Variants in ITFG2 observed in about 807,000 individuals in gnomAD.
ITFG2 encodes the protein KICSTOR complex protein ITFG2.
ITFG2 carries 36 observed loss-of-function variants against 54.4 expected under a neutral mutation model. That is an observed-to-expected ratio of 0.66 (90% CI 0.51 to 0.87). ITFG2 has a LOEUF of 0.87. ITFG2 is among the 40% of genes least tolerant of loss of function. The pLI is 0.00. For missense variants in ITFG2, 524 were observed against 576.7 expected (o/e 0.91, Z 0.94); for synonymous variants, 211 against 225.4 (o/e 0.94, Z 0.57).
chr12:2,821,876 C>T, intron 9 of ITFG2, 84 bp downstream of exon 9: 1 of 958,216 alleles, frequency 1.0e-6, no homozygotes, highest in Non-Finnish European at 1.6e-6. Flanking sequence ...GCTATTCTCA[C>T]ATCCCAGGGA....
At chr12:2,852,611 C>T (rs909046619) in intron 2 of ITFG2, among the ~76,000 whole-genome samples, 4 of 152,120 alleles carry the variant, frequency 2.6e-5, no homozygotes, top group African/African-American at 9.7e-5. Flanking sequence ...GCGATCCTCC[C>T]ACTTCGGCCT....
At chr12:2,827,102 C>G (rs1565424175), downstream of ITFG2, 21 of 1,559,598 alleles carry the variant, frequency 1.3e-5, no homozygotes, top group Non-Finnish European at 1.7e-5. The surrounding 1 kb of genome is among the most constrained non-coding windows in gnomAD (Gnocchi z 4.0). Flanking sequence ...ATTGGAAGGG[C>G]AGACACCATA....
chr12:2,826,289 G>A (rs772405377), downstream of ITFG2: 6 of 152,000 alleles, frequency 3.9e-5, no homozygotes, highest in African/African-American at 7.3e-5. Flanking sequence ...GACAATACAA[G>A]CTTAAGCTCA....
intron 1 of ITFG2, 177 bp downstream of exon 1, chr12:2,813,033 C>T (rs1003297647): frequency 8.4e-5 from 44 of 521,176 alleles, no homozygotes; most frequent in Non-Finnish European, 1.3e-4. Flanking sequence ...GGTTTTGTTC[C>T]TTGGGAGGTT....
upstream of ITFG2, chr12:2,834,681 C>T (rs774088885): frequency 2.9e-5 from 47 of 1,611,762 alleles, 1 homozygote; most frequent in Admixed American, 5.0e-5. Context: ...GGCTGTCCAG[C>T]GGGAGCAGGT....
Position 2,812,741 on chromosome 12 carries a change from C to G in ITFG2, c.-20C>G, listed in dbSNP as rs1447801090. On this transcript the variant is annotated 5_prime_UTR_variant, in exon 1 of 12. Transcript: ENST00000228799. ...GAATATTTACTGGGCCTCTCCGCTC[C>G]CTCTGCTCTTGGAGGTGCCATGAGG... 48 of 1,589,876 alleles carry G rather than the reference C, an allele frequency of 3.0e-5. No homozygotes were observed. Among genetic ancestry groups the G allele is most frequent in the Non-Finnish European group, 3.4e-5 (39 of 1,159,492 alleles).
chr12:2,814,736 G>A (rs2097917557), intron 1 of ITFG2, among the ~76,000 whole-genome samples: 1 of 152,130 alleles, frequency 6.6e-6, no homozygotes, highest in Non-Finnish European at 1.5e-5. Flanking sequence ...GGAGGCTGAG[G>A]CGAGAGGATT....
chr12:2,832,350 GT>G (rs1397437012), upstream of ITFG2, among the ~76,000 whole-genome samples: 4 of 152,018 alleles, frequency 2.6e-5, no homozygotes, highest in East Asian at 7.8e-4. Flanking sequence ...CTGCCACTCT[GT>G]TTATGGGCCC....
At chr12:2,856,856 C>T in intron 2 of ITFG2, 1 of 687,230 alleles carries the variant, frequency 1.5e-6, no homozygotes, top group Non-Finnish European at 2.7e-6. Context: ...ATGGGCCAGG[C>T]AGTCTGCTGC....
At chr12:2,859,387 T>G (rs2098103786) in intron 3 of ITFG2, 2 of 1,613,714 alleles carry the variant, frequency 1.2e-6, no homozygotes, top group South Asian at 2.2e-5. Flanking sequence ...CTGTAGGACT[T>G]CTTGGGTCTT....
intron 1 of ITFG2, among the ~76,000 whole-genome samples, chr12:2,838,039 C>T: frequency 6.6e-6 from 1 of 152,160 alleles, no homozygotes; most frequent in Admixed American, 6.5e-5. Context: ...AGCCGAGCTT[C>T]ATTTAGACTT....
chr12:2,812,727 G>A lies in ITFG2; in HGVS notation c.-34G>A. ...GACGGGGGTTCAGGGAATATTTACT[G>A]GGCCTCTCCGCTCCCTCTGCTCTTG... On this transcript the variant is annotated 5_prime_UTR_variant, in exon 1 of 12. Transcript: ENST00000228799. 1.3e-6 allele frequency: 2 copies of A among 1,568,066 alleles called. No homozygotes were observed. Among genetic ancestry groups the A allele is most frequent in the African/African-American group, 2.7e-5 (2 of 74,266 alleles).
intron 1 of ITFG2, among the ~76,000 whole-genome samples, chr12:2,838,473 G>C (rs1179300880): frequency 1.3e-5 from 2 of 152,170 alleles, no homozygotes; most frequent in African/African-American, 2.4e-5. Flanking sequence ...GCACTCCAGG[G>C]AAGAGTAAAT....
At chr12:2,849,996 TCA>T (rs2098064920) in intron 2 of ITFG2, among the ~76,000 whole-genome samples, 1 of 152,178 alleles carries the variant, frequency 6.6e-6, no homozygotes, top group African/African-American at 2.4e-5. Context: ...TTTCTATGAC[TCA>T]GCGCACTTTG....
At chr12:2,855,384 G>T in intron 2 of ITFG2, 1 of 1,311,918 alleles carries the variant, frequency 7.6e-7, no homozygotes. Flanking sequence ...ACTCGCTGGG[G>T]AGGAAGAACT....
chr12:2,817,440 G>A, intron 2 of ITFG2, 122 bp downstream of exon 2: 1 of 660,304 alleles, frequency 1.5e-6, no homozygotes, highest in Non-Finnish European at 2.6e-6. Context: ...ACTGGGCCCA[G>A]CCACTGACTT....
upstream of ITFG2, among the ~76,000 whole-genome samples, chr12:2,836,564 A>G (rs565478293): frequency 2.6e-5 from 4 of 152,190 alleles, no homozygotes; most frequent in Non-Finnish European, 5.9e-5. Flanking sequence ...TCTAATCCCC[A>G]TTTAGAGGGA....
intron 2 of ITFG2, chr12:2,855,595 C>G: frequency 1.9e-6 from 1 of 525,550 alleles, no homozygotes; most frequent in Non-Finnish European, 3.2e-6. Flanking sequence ...GGCCGCATCT[C>G]CATCCCTCTC....
At position 2,817,913 on chromosome 12, in the gene ITFG2, C is replaced by G. The variant is rs546295725; in HGVS notation, c.197C>G (p.Thr66Ser). 2 of 1,613,894 alleles carry G rather than the reference C, an allele frequency of 1.2e-6. No homozygotes were observed. The highest frequency in any genetic ancestry group is 2.2e-5 in the South Asian group (2 of 91,058). ...GCCTCCCTTTCTCTCTTACAGCTGA[C>G]TTGCGTTGGGGTTGGAGACGTGTGT... Reference protein sequence around the residue: ...WLTCSCQGMLTCVGVGDVCNK... With the variant: ...WLTCSCQGMLSCVGVGDVCNK... The change falls in exon 3 of 12, where the codon ACT becomes AGT. Residue 66 changes from threonine to serine, a missense_variant. Coordinates refer to ENST00000228799, the MANE Select transcript of ITFG2 (RefSeq NM_018463.4).
Sources: allele counts gnomAD v4.1 joint callset (sites outside exome capture counted in the v4.1 genomes callset), GRCh38; gene constraint gnomAD v4.1.1; non-coding constraint Gnocchi (gnomAD v3.1); transcripts MANE v1.5; gene names NCBI Gene and HGNC (gene_info 2026-07-23, HGNC 2026-07-21).